MATN4: variants seen among roughly 807,000 people sequenced by gnomAD.
The protein encoded by MATN4 is matrilin 4.
A neutral mutation model predicts 54.6 loss-of-function variants in MATN4; 40 were observed. The ratio of observed to expected loss-of-function variants is 0.73; its 90% CI spans 0.57 to 0.95. The LOEUF is 0.95. Among genes scored for constraint, MATN4 ranks in the 40% least tolerant of loss-of-function variants. The pLI is 0.00. For synonymous variants in MATN4, 351 were observed against 345.3 expected (o/e 1.02, Z -0.18); for missense variants, 810 against 819.1 (o/e 0.99, Z 0.13).
chr20:45,294,127 A>C, intron 8 of MATN4, 112 bp from the exon 9 acceptor site: 1 of 809,054 alleles, frequency 1.2e-6, no homozygotes. Context: ...ATTTAGAGAG[A>C]CCTGGGCTGA....
At chr20:45,303,568 A>G (rs1054730045) in intron 3 of MATN4, 4 of 672,106 alleles carry the variant, frequency 6.0e-6, no homozygotes, top group Non-Finnish European at 1.1e-5. Flanking sequence ...GCCTCCAACA[A>G]GAGAGAGCTG....
intron 1 of MATN4, 28 bp from the exon 2 acceptor site, chr20:45,305,644 C>T (rs2145671149): frequency 8.1e-7 from 1 of 1,231,794 alleles, no homozygotes; most frequent in East Asian, 2.5e-5. Flanking sequence ...AATAGAAAAG[C>T]AACAGTATTT....
Position 45,304,743 on chromosome 20 carries a change from C to A in MATN4, c.128G>T (p.Arg43Leu), listed in dbSNP as rs1191181856. 13 of 1,603,708 alleles carry A rather than the reference C, an allele frequency of 8.1e-6. No homozygotes were observed. The East Asian group carries it at 2.7e-4, about 33-fold the overall frequency. Residue 43 changes from arginine (R) to leucine (L), a missense_variant, in exon 3 of 10, where the codon CGC becomes CTC. Transcript: ENST00000372756. Reference sequence around the variant, plus strand: ...CTCGAACTCGAAAGGGCGCACGCTGCGGGAGCTGTCAATCACGAACACCAG... The same window carrying A: ...CTCGAACTCGAAAGGGCGCACGCTGAGGGAGCTGTCAATCACGAACACCAG... The part of the protein sequence containing the change: ...LDLVFVIDSS[R>L]SVRPFEFETM...
chr20:45,299,962 TGGGTGTGTGTGTGTAG>T (rs1290157611), intron 6 of MATN4, among the ~76,000 whole-genome samples: 9 of 133,828 alleles, frequency 6.7e-5, no homozygotes, highest in African/African-American at 2.5e-4. Context: ...TTGGTGTGTG[TGGGTGTGTGTGTGTAG>T]GGGTGTGTGT....
intron 6 of MATN4, among the ~76,000 whole-genome samples, chr20:45,299,980 G>GGTGTGT (rs55652446): frequency 3.0e-4 from 35 of 114,844 alleles, no homozygotes; most frequent in African/African-American, 1.2e-3. Flanking sequence ...TGTGTGTAGG[G>GGTGTGT]GTGTGTGTGT....
In MATN4 at chr20:45,301,396, C is replaced by A. The variant is rs117930972; in HGVS notation, c.691G>T (p.Val231Phe). Reference sequence around the variant, plus strand: ...CAGAAATAGGAGCCTGGGGAATTGACGCAGTGGTGCTCACATCCATGGGTC... The same window carrying A: ...CAGAAATAGGAGCCTGGGGAATTGAAGCAGTGGTGCTCACATCCATGGGTC... ...EGTHGCEHHCVNSPGSYFCHC... is the reference protein window; with the variant it reads ...EGTHGCEHHCFNSPGSYFCHC... Residue 231 changes from valine to phenylalanine, a missense_variant, in exon 4 of 10, where the codon GTC becomes TTC. Physicochemically the swap from Val to Phe is conservative, Grantham distance 50 (BLOSUM62 -1). Coordinates refer to ENST00000372756, the MANE Select transcript of MATN4 (RefSeq NM_001393530.1). 5.5e-3 allele frequency: 8,874 copies of A among 1,614,092 alleles called. 35 individuals carry two copies. Among genetic ancestry groups the A allele is most frequent in the Non-Finnish European group, 6.7e-3 (7,905 of 1,180,014 alleles).
intron 3 of MATN4, among the ~76,000 whole-genome samples, chr20:45,303,814 G>A (rs554034002): frequency 6.6e-6 from 1 of 152,248 alleles, no homozygotes; most frequent in African/African-American, 2.4e-5. Flanking sequence ...CGAGGTGGGC[G>A]GAATAAACTC....
chr20:45,300,458 T>A (rs760876496), intron 6 of MATN4, among the ~76,000 whole-genome samples: 1 of 151,960 alleles, frequency 6.6e-6, no homozygotes, highest in Non-Finnish European at 1.5e-5. Context: ...AACTAAAATT[T>A]CAGAAATAAT....
At position 45,300,948 on chromosome 20, in the gene MATN4, G is replaced by A. The variant is rs138958047; in HGVS notation, c.951C>T (p.Leu317=). 1 of 1,614,084 alleles carries A rather than the reference G, an allele frequency of 6.2e-7. No homozygotes were observed. The highest frequency in any genetic ancestry group is 8.5e-7 in the Non-Finnish European group (1 of 1,180,036). Residue 317 remains leucine (L), a synonymous_variant, in exon 6 of 10, where the codon CTC becomes CTT. Transcript: ENST00000372756. ...CCTCGGGGCACAGGCAGCGGTAGGA[G>A]AGGCCCTCGCTCACACACTGGAACT... ...GCEFQCVSEG[L]SYRCLCPEGR... is the part of the protein sequence containing the mutation.
rs764168176 is a variant in MATN4 at position 45,308,243 on chromosome 20, T to A, written c.-103A>T. The A allele has an allele frequency of 6.2e-7, 1 of 1,611,512 alleles. No homozygotes were observed. Among genetic ancestry groups the A allele is most frequent in the East Asian group, 2.2e-5 (1 of 44,872 alleles). On this transcript the variant is annotated 5_prime_UTR_variant, in exon 1 of 10. It adds an upstream start codon to the 5' untranslated region. Coordinates refer to ENST00000372756, the MANE Select transcript of MATN4 (RefSeq NM_001393530.1). ...CCGACAGGCGGAGCCTCCCGGGCAC[T>A]TGGACCAGGTAACGGCGGCGTGGCA...
chr20:45,297,687 G>A (rs1036987993), intron 8 of MATN4, among the ~76,000 whole-genome samples: 2 of 152,186 alleles, frequency 1.3e-5, no homozygotes, highest in African/African-American at 4.8e-5. Flanking sequence ...TGTCGAAGTG[G>A]AAATTCTGAT....
chr20:45,306,598 T>G (rs1456697668), intron 1 of MATN4, among the ~76,000 whole-genome samples: 1 of 152,148 alleles, frequency 6.6e-6, no homozygotes, highest in East Asian at 1.9e-4. Flanking sequence ...GTTGCGGGGC[T>G]GAGCGTGGTG....
chr20:45,304,194 G>T, intron 3 of MATN4, 34 bp downstream of exon 3: 2 of 1,445,658 alleles, frequency 1.4e-6, no homozygotes. Flanking sequence ...TGGATTGAGA[G>T]TTCGAGCTTC....
chr20:45,299,977 AG>A (rs1555853388), intron 6 of MATN4, among the ~76,000 whole-genome samples: 1 of 65,614 alleles, frequency 1.5e-5, no homozygotes, highest in South Asian at 3.3e-4. Flanking sequence ...GTGTGTGTGT[AG>A]GGGTGTGTGT....
intron 3 of MATN4, chr20:45,303,442 T>C (rs1986369482): frequency 1.4e-6 from 1 of 717,146 alleles, no homozygotes; most frequent in African/African-American, 1.7e-5. Flanking sequence ...GCAGGTGCAG[T>C]GGAACATGGC....
At chr20:45,300,857 C>T in intron 6 of MATN4, 30 bp downstream of exon 6, 1 of 1,610,136 alleles carries the variant, frequency 6.2e-7, no homozygotes, top group African/African-American at 1.3e-5. Flanking sequence ...GGGCAGAAGC[C>T]AACAGAACAC....
chr20:45,296,743 A>C (rs1985861233), intron 8 of MATN4, among the ~76,000 whole-genome samples: 1 of 152,150 alleles, frequency 6.6e-6, no homozygotes, highest in East Asian at 1.9e-4. Context: ...GAGAGCGGGG[A>C]GGGAAGGAGA....
chr20:45,301,629 T>C (rs1222755733), intron 3 of MATN4, among the ~76,000 whole-genome samples, 186 bp from the exon 4 acceptor site: 1 of 152,170 alleles, frequency 6.6e-6, no homozygotes, highest in East Asian at 1.9e-4. Flanking sequence ...TTGGCCACTT[T>C]ACCTATTTGA....
At chr20:45,308,055 G>C in intron 1 of MATN4, 120 bp downstream of exon 1, 1 of 849,152 alleles carries the variant, frequency 1.2e-6, no homozygotes, top group Non-Finnish European at 2.0e-6. Context: ...AAGTGGGGAA[G>C]GGCACTGCAA....
Sources: allele counts gnomAD v4.1 joint callset (sites outside exome capture counted in the v4.1 genomes callset), GRCh38; gene constraint gnomAD v4.1.1; transcripts MANE v1.5; gene names NCBI Gene and HGNC (gene_info 2026-07-23, HGNC 2026-07-21).